The following ALMS1 variants were observed in gnomAD, a reference collection of about 807,000 sequenced individuals.
ALMS1 encodes the protein centrosome-associated protein ALMS1.
Under a neutral mutation model 352.2 loss-of-function variants are expected in ALMS1, and 271 were observed. That is an observed-to-expected ratio of 0.77 (90% CI 0.70 to 0.85). The LOEUF (loss-of-function observed/expected upper bound fraction) is 0.85, where lower values mean the gene tolerates loss of function less well. ALMS1 is among the 40% of genes least tolerant of loss of function. The probability of loss-of-function intolerance (pLI) is 0.00; values close to 1 mark genes in which losing one functional copy is unlikely to be tolerated. For synonymous variants in ALMS1, 1,865 were observed against 1,761.2 expected, an observed-to-expected ratio of 1.06 and a Z score of -1.48; for missense variants, 5,445 against 4,870.7, an observed-to-expected ratio of 1.12 and a Z score of -3.51.
At chr2:73,593,819 G>A (rs1675484604) in intron 16 of ALMS1, among the ~76,000 whole-genome samples, 1 of 152,116 alleles carries the variant, frequency 6.6e-6, no homozygotes, top group Non-Finnish European at 1.5e-5. Context: ...GCCTATTCTG[G>A]ACCTTTCATA....
chr2:73,400,326 T>G (rs927667387), intron 1 of ALMS1, among the ~76,000 whole-genome samples: 4 of 152,194 alleles, frequency 2.6e-5, no homozygotes, highest in African/African-American at 9.6e-5. Flanking sequence ...CTTTTGTACA[T>G]TGTTAAATTT....
intron 16 of ALMS1, among the ~76,000 whole-genome samples, chr2:73,586,797 AT>A (rs1415048187): frequency 1.3e-5 from 2 of 152,164 alleles, no homozygotes; most frequent in Non-Finnish European, 2.9e-5. Context: ...TGATGATGGT[AT>A]TTTGATGGAA....
chr2:73,599,759 G>A (rs1252754304), intron 17 of ALMS1, among the ~76,000 whole-genome samples: 1 of 152,144 alleles, frequency 6.6e-6, no homozygotes, highest in Non-Finnish European at 1.5e-5. Flanking sequence ...CACTGTGAAA[G>A]GCAATTTGAA....
chr2:73,427,152 C>T (rs537695648), intron 6 of ALMS1, among the ~76,000 whole-genome samples: 8 of 152,280 alleles, frequency 5.3e-5, no homozygotes, highest in African/African-American at 1.9e-4. Flanking sequence ...ATGGGAACAT[C>T]CAAAAGCTTG....
chr2:73,442,457 C>T (rs1041369087), intron 7 of ALMS1, among the ~76,000 whole-genome samples: 9 of 152,134 alleles, frequency 5.9e-5, no homozygotes, highest in Non-Finnish European at 1.2e-4. Context: ...ATTGTTCTCT[C>T]TGTTTCTCAA....
In ALMS1 at chr2:73,533,336, A is replaced by G. The variant is rs150178935; in HGVS notation, c.9782-1488A>G. 2.2e-4 allele frequency among the ~76,000 whole-genome samples: 33 copies of G among 152,252 alleles called. No homozygotes were observed. In the East Asian group the frequency reaches 5.8e-3, roughly 27 times the overall value. On this transcript the variant is annotated intron_variant, in intron 11 of 22. Transcript: ENST00000613296. ...ATTGCTTTAGGCTATGGTATATGCTATTTTATCACAGAAACCCTAAATTAC... is the reference window on the plus strand; with the variant it reads ...ATTGCTTTAGGCTATGGTATATGCTGTTTTATCACAGAAACCCTAAATTAC...
chr2:73,596,295 TG>T (rs1160943080), intron 16 of ALMS1, among the ~76,000 whole-genome samples: 1 of 152,214 alleles, frequency 6.6e-6, no homozygotes, highest in African/African-American at 2.4e-5. Context: ...GTGTACGGTG[TG>T]TTGTCTAACT....
At chr2:73,422,145 TAAC>T (rs751608012) in intron 3 of ALMS1, among the ~76,000 whole-genome samples, 1 of 152,152 alleles carries the variant, frequency 6.6e-6, no homozygotes, top group Non-Finnish European at 1.5e-5. Flanking sequence ...TTATAAAAAA[TAAC>T]TTTTCCAATA....
At position 73,453,453 on chromosome 2, in the gene ALMS1, C is replaced by T. The variant is rs147001219; in HGVS notation, c.6926C>T (p.Thr2309Met). The change falls in exon 8 of 23, where the codon ACG becomes ATG. Residue 2309 changes from threonine (T) to methionine (M), a missense_variant. Coordinates refer to ENST00000613296, the MANE Select transcript of ALMS1 (RefSeq NM_001378454.1). ...GTTTGCTTCAAAGAACCCTCTTCCA[C>T]GGGTGTATCTAATGGTGATTTGCTT... ...KVVCFKEPSS[T>M]GVSNGDLLHR... The T allele has an allele frequency of 3.0e-5, 49 of 1,613,146 alleles. No individual in the cohort carries two copies. Among genetic ancestry groups the T allele is most frequent in the Admixed American group, 1.3e-4 (8 of 59,860 alleles).
chr2:73,393,774 T>C (rs1670700423), intron 1 of ALMS1, among the ~76,000 whole-genome samples: 1 of 152,204 alleles, frequency 6.6e-6, no homozygotes, highest in African/African-American at 2.4e-5. Flanking sequence ...GGATTCCCAA[T>C]TCTATTTCAT....
chr2:73,387,627 A>G (rs772082425), intron 1 of ALMS1, among the ~76,000 whole-genome samples: 40 of 152,182 alleles, frequency 2.6e-4, no homozygotes, highest in Non-Finnish European at 4.4e-4. Context: ...TTTGTGTGCT[A>G]TGCCAAGGAT....
At chr2:73,395,065 TATATATATATATA>T (rs1479307431) in intron 1 of ALMS1, among the ~76,000 whole-genome samples, 16 of 115,824 alleles carry the variant, frequency 1.4e-4, no homozygotes, top group Non-Finnish European at 1.9e-4. Flanking sequence ...TATGTGTATA[TATATATATATATA>T]TTTTTTTTTT....
chr2:73,457,474 C>G (rs1208403387), intron 9 of ALMS1: 1 of 152,020 alleles, frequency 6.6e-6, no homozygotes, highest in African/African-American at 2.4e-5. Flanking sequence ...AACTCCTGAC[C>G]TCAAGTGATC....
At chr2:73,505,750 A>T (rs937765282) in intron 10 of ALMS1, among the ~76,000 whole-genome samples, 1 of 151,950 alleles carries the variant, frequency 6.6e-6, no homozygotes, top group Non-Finnish European at 1.5e-5. Context: ...TTGCCTGTTT[A>T]CTCTAATGAT....
rs199850691 is a variant in ALMS1 at position 73,490,536 on chromosome 2, G to A, written c.8577G>A (p.Ser2859=). 31 of 1,614,092 alleles carry A rather than the reference G, an allele frequency of 1.9e-5. No individual in the cohort carries two copies. Among genetic ancestry groups the A allele is most frequent in the Admixed American group, 1.7e-4 (10 of 60,024 alleles). The part of the protein sequence containing the change: ...RPSSTLGVNR[S]SSRLGVKEKN... Reference sequence around the variant, plus strand: ...GTTCCACCCTAGGAGTAAACAGATCGAGTTCCAGACTAGGAGTAAAAGAGA... The same window carrying A: ...GTTCCACCCTAGGAGTAAACAGATCAAGTTCCAGACTAGGAGTAAAAGAGA... Residue 2859 remains serine, a synonymous_variant, in exon 10 of 23, where the codon TCG becomes TCA. Transcript: ENST00000613296.
intron 5 of ALMS1, 25 bp from the exon 6 acceptor site, chr2:73,426,428 A>G (rs899297089): frequency 6.2e-6 from 10 of 1,609,436 alleles, no homozygotes; most frequent in Non-Finnish European, 8.5e-6. Context: ...ACATACAATT[A>G]TGCAAAATGA....
intron 2 of ALMS1, among the ~76,000 whole-genome samples, chr2:73,416,727 A>G (rs966187297): frequency 2.0e-5 from 3 of 152,232 alleles, no homozygotes; most frequent in African/African-American, 7.2e-5. Flanking sequence ...AATACATTAT[A>G]TGTCTAAAGT....
intron 10 of ALMS1, among the ~76,000 whole-genome samples, chr2:73,514,362 C>A (rs1239165277): frequency 6.6e-6 from 1 of 151,562 alleles, no homozygotes; most frequent in Admixed American, 6.6e-5. Context: ...TAATATACTT[C>A]CTTGACTGTA....
At chr2:73,580,038 C>T (rs1420111366) in intron 16 of ALMS1, among the ~76,000 whole-genome samples, 1 of 152,068 alleles carries the variant, frequency 6.6e-6, no homozygotes, top group Non-Finnish European at 1.5e-5. Flanking sequence ...TGGTATCCTA[C>T]AAGTCTCTTA....
Sources: allele counts gnomAD v4.1 joint callset (sites outside exome capture counted in the v4.1 genomes callset), GRCh38; gene constraint gnomAD v4.1.1; transcripts MANE v1.5; gene names NCBI Gene and HGNC (gene_info 2026-07-23, HGNC 2026-07-21).